SEMA3E: variants seen among roughly 807,000 people sequenced by gnomAD.
SEMA3E encodes semaphorin-3E.
SEMA3E carries 49 observed loss-of-function variants against 93.6 expected under a neutral mutation model. The observed-to-expected ratio is 0.52, with a 90% CI of 0.42 to 0.66. The LOEUF (loss-of-function observed/expected upper bound fraction) is 0.66, where lower values mean the gene tolerates loss of function less well. SEMA3E is among the 30% of genes least tolerant of loss of function. The pLI is 0.00. For missense variants in SEMA3E, 906 were observed against 964.8 expected, an observed-to-expected ratio of 0.94 and a Z score of 0.81; for synonymous variants, 363 against 330.7, an observed-to-expected ratio of 1.10 and a Z score of -1.06.
At chr7:83,388,165 C>T (rs779179353) in intron 14 of SEMA3E, among the ~76,000 whole-genome samples, 16 of 147,962 alleles carry the variant, frequency 1.1e-4, no homozygotes, top group African/African-American at 2.0e-4. Flanking sequence ...AAAAATTAGT[C>T]GGGCGTGGTG....
At chr7:83,411,131 T>A (rs1036291406) in intron 5 of SEMA3E, among the ~76,000 whole-genome samples, 1 of 152,104 alleles carries the variant, frequency 6.6e-6, no homozygotes, top group Non-Finnish European at 1.5e-5. Flanking sequence ...AAAATTATCG[T>A]TTTAACCAAT....
chr7:83,396,723 C>T lies in SEMA3E; in HGVS notation c.1373G>A (p.Gly458Glu), dbSNP rs771007223. ...AATTGTGATTACTTTCAGCACAATT[C>T]CATTATCTGTAAGAAAACAAAACAA... ...YDVLFIGTDNGIVLKVITIYN... is the reference protein window; with the variant it reads ...YDVLFIGTDNEIVLKVITIYN... Residue 458 changes from glycine to glutamate, a missense_variant, in exon 12 of 17, where the codon GGA becomes GAA. Transcript: ENST00000643230. 5 of 1,589,532 alleles carry T rather than the reference C, an allele frequency of 3.1e-6. No homozygotes were observed. The highest frequency in any genetic ancestry group is 4.3e-6 in the Non-Finnish European group (5 of 1,160,190).
intron 1 of SEMA3E, among the ~76,000 whole-genome samples, chr7:83,646,241 A>G (rs1315404340): frequency 6.6e-6 from 1 of 152,146 alleles, no homozygotes; most frequent in Non-Finnish European, 1.5e-5. Context: ...CAAGTCAGCA[A>G]AAGATTAATC....
chr7:83,533,338 A>T (rs2713138), intron 1 of SEMA3E, among the ~76,000 whole-genome samples: 128,916 of 152,012 alleles, frequency 0.85, 54,906 homozygotes, highest in South Asian at 0.96. Flanking sequence ...GGTTAGGAGT[A>T]CGAGACCAGT....
chr7:83,396,975 G>A lies in SEMA3E; in HGVS notation c.1367-246C>T, dbSNP rs569049861. On this transcript the variant is annotated intron_variant, in intron 11 of 16. Transcript: ENST00000643230. ...TGGGCACCTGTAATCCCAGCTACTTGGGAGGCTGAGGAAGGAGAATTGCTT... is the reference window on the plus strand; with the variant it reads ...TGGGCACCTGTAATCCCAGCTACTTAGGAGGCTGAGGAAGGAGAATTGCTT... 4.6e-5 allele frequency among the ~76,000 whole-genome samples: 7 copies of A among 151,912 alleles called. No individual in the cohort carries two copies. The South Asian group carries it at 1.2e-3, about 27-fold the overall frequency.
chr7:83,385,239 C>T lies in SEMA3E; in HGVS notation c.1875+55G>A, dbSNP rs1400314537. On this transcript the variant is annotated intron_variant, in intron 16 of 16. Coordinates refer to ENST00000643230, the MANE Select transcript of SEMA3E (RefSeq NM_012431.3). ...AGCATCCAAATAAATCATCTATTTACTGATCACACACTATATGCAAAATAC... is the reference window on the plus strand; with the variant it reads ...AGCATCCAAATAAATCATCTATTTATTGATCACACACTATATGCAAAATAC... 1.9e-6 allele frequency: 3 copies of T among 1,587,740 alleles called. No homozygotes were observed. The African/African-American group carries it at 4.0e-5, about 21-fold the overall frequency.
chr7:83,384,424 T>A (rs1388272362), intron 16 of SEMA3E, among the ~76,000 whole-genome samples: 1 of 152,058 alleles, frequency 6.6e-6, no homozygotes, highest in Non-Finnish European at 1.5e-5. Context: ...TGCAACCTTT[T>A]CTTTACCAAG....
intron 2 of SEMA3E, among the ~76,000 whole-genome samples, chr7:83,479,637 T>C (rs1790101084): frequency 6.6e-6 from 1 of 152,152 alleles, no homozygotes; most frequent in African/African-American, 2.4e-5. Flanking sequence ...CCTAATCTTC[T>C]CACAAAAGCT....
At chr7:83,495,387 A>T (rs1003092527) in intron 1 of SEMA3E, among the ~76,000 whole-genome samples, 1 of 151,888 alleles carries the variant, frequency 6.6e-6, no homozygotes, top group African/African-American at 2.4e-5. Flanking sequence ...AATCTATTTT[A>T]TAATGAGATT....
At chr7:83,637,040 A>ATG (rs551927562) in intron 1 of SEMA3E, among the ~76,000 whole-genome samples, 12,452 of 148,648 alleles carry the variant, frequency 0.084, 604 homozygotes, top group South Asian at 0.11. Flanking sequence ...GTGTGTGTGT[A>ATG]TGTGTGTGTG....
At chr7:83,529,012 G>A (rs867736351) in intron 1 of SEMA3E, among the ~76,000 whole-genome samples, 3 of 152,202 alleles carry the variant, frequency 2.0e-5, no homozygotes, top group African/African-American at 4.8e-5. Context: ...GAGCTTAAAA[G>A]AGTATTCAAG....
At chr7:83,435,905 CAT>C (rs1197076926) in intron 4 of SEMA3E, among the ~76,000 whole-genome samples, 11 of 151,872 alleles carry the variant, frequency 7.2e-5, no homozygotes, top group Non-Finnish European at 1.5e-4. Context: ...ATATATGTAA[CAT>C]GTCATTTTCT....
At chr7:83,561,809 A>G (rs1792034641) in intron 1 of SEMA3E, among the ~76,000 whole-genome samples, 1 of 152,178 alleles carries the variant, frequency 6.6e-6, no homozygotes, top group Non-Finnish European at 1.5e-5. Context: ...AGCATCACTA[A>G]TTTTATAGTT....
intron 4 of SEMA3E, among the ~76,000 whole-genome samples, chr7:83,459,515 TAC>T (rs1789565658): frequency 6.6e-6 from 1 of 152,206 alleles, no homozygotes; most frequent in Non-Finnish European, 1.5e-5. Context: ...ATTCTGACCT[TAC>T]AGTGGCCTGA....
chr7:83,490,255 T>C lies in SEMA3E; in HGVS notation c.135A>G (p.Arg45=). ...CAAAAGGGCTATGAAATATTGATGT[T>C]CTGTTCAGATTCAAGAGCTCTGAAA... ...LSHKELLNLN[R]TSIFHSPFGF... is the part of the protein sequence containing the mutation. The change falls in exon 2 of 17, where the codon AGA becomes AGG. Residue 45 remains arginine, a synonymous_variant. Transcript: ENST00000643230. 3.7e-6 allele frequency: 6 copies of C among 1,612,534 alleles called. No homozygotes were observed. Among genetic ancestry groups the C allele is most frequent in the Non-Finnish European group, 5.1e-6 (6 of 1,179,292 alleles).
chr7:83,518,802 ACTT>A (rs1790986075), intron 1 of SEMA3E, among the ~76,000 whole-genome samples: 1 of 151,768 alleles, frequency 6.6e-6, no homozygotes, highest in South Asian at 2.1e-4. Flanking sequence ...AAAGCTCCCT[ACTT>A]CTCCTTTCTA....
At chr7:83,410,593 T>C (rs948036107) in intron 5 of SEMA3E, among the ~76,000 whole-genome samples, 6 of 152,146 alleles carry the variant, frequency 3.9e-5, no homozygotes, top group Non-Finnish European at 8.8e-5. Flanking sequence ...AGAAATTTTA[T>C]GTCTATGTTT....
At position 83,400,162 on chromosome 7, in the gene SEMA3E, A is replaced by T; in HGVS notation, c.1232T>A (p.Met411Lys). ...ATGGGCAGGTTTTATGGCCTGGTAC[A>T]TTAGTGGATGACTTCTTGCAAATCG... ...AIRFARSHPLMYQAIKPAHKK... is the reference protein window; with the variant it reads ...AIRFARSHPLKYQAIKPAHKK... The change falls in exon 11 of 17, where the codon ATG (methionine) becomes AAG (lysine). Residue 411 changes from methionine to lysine, a missense_variant. Met to Lys is a moderately conservative substitution (Grantham distance 95). Coordinates refer to ENST00000643230, the MANE Select transcript of SEMA3E (RefSeq NM_012431.3). 6.2e-7 allele frequency: 1 copy of T among 1,613,978 alleles called. No homozygotes were observed. Among genetic ancestry groups the T allele is most frequent in the Admixed American group, 1.7e-5 (1 of 59,984 alleles).
intron 2 of SEMA3E, among the ~76,000 whole-genome samples, chr7:83,478,468 T>A (rs1181425520): frequency 6.6e-6 from 1 of 152,206 alleles, no homozygotes; most frequent in Non-Finnish European, 1.5e-5. Context: ...CAGAGAATAA[T>A]TTTGACTTAT....
Sources: gnomAD v4.1 joint callset for allele counts (sites outside exome capture counted in the v4.1 genomes callset) on GRCh38, gnomAD v4.1.1 for gene constraint, MANE v1.5 for transcripts, NCBI Gene and HGNC (gene_info 2026-07-23, HGNC 2026-07-21) for gene names.